The following FOCAD variants were observed in gnomAD, a reference collection of about 807,000 sequenced individuals.
The protein encoded by FOCAD is focadhesin.
In FOCAD, 198 loss-of-function variants were observed where a neutral mutation model predicts 225.6. That is an observed-to-expected ratio of 0.88 (90% CI 0.78 to 0.99). The LOEUF (loss-of-function observed/expected upper bound fraction) is 0.99, where lower values mean the gene tolerates loss of function less well. Among genes scored for constraint, FOCAD ranks in the 50% least tolerant of loss-of-function variants. FOCAD has a pLI of 0.00. For synonymous variants in FOCAD, 897 were observed against 755.0 expected, an observed-to-expected ratio of 1.19 and a Z score of -3.08; for missense variants, 2,713 against 2,123.6, an observed-to-expected ratio of 1.28 and a Z score of -5.46.
chr9:20,774,662 T>A (rs10964694), intron 8 of FOCAD, among the ~76,000 whole-genome samples: 27,717 of 152,182 alleles, frequency 0.18, 3,079 homozygotes, highest in Non-Finnish European at 0.25. Context: ...AATTTTAAAT[T>A]GTCTTATTTT....
intron 11 of FOCAD, among the ~76,000 whole-genome samples, chr9:20,809,789 A>C (rs1470699409): frequency 2.6e-5 from 4 of 152,142 alleles, no homozygotes; most frequent in Non-Finnish European, 5.9e-5. Context: ...ATCAAAGCTT[A>C]ACACAATCTC....
At chr9:20,843,768 G>A (rs1826794542) in intron 15 of FOCAD, among the ~76,000 whole-genome samples, 1 of 152,080 alleles carries the variant, frequency 6.6e-6, no homozygotes, top group South Asian at 2.1e-4. Flanking sequence ...TATACAGCAT[G>A]TAATGAAATA....
chr9:20,828,887 A>G (rs186112289), intron 15 of FOCAD, among the ~76,000 whole-genome samples: 30 of 152,086 alleles, frequency 2.0e-4, no homozygotes, highest in African/African-American at 7.2e-4. Context: ...AACATGCGGT[A>G]TTTGGTTTTC....
intron 1 of FOCAD, among the ~76,000 whole-genome samples, chr9:20,714,817 C>A (rs1042674234): frequency 1.3e-5 from 2 of 152,102 alleles, no homozygotes; most frequent in African/African-American, 4.8e-5. Context: ...AGGAAACAGT[C>A]TGTTTTAATG....
chr9:20,796,252 G>A (rs1821090698), intron 11 of FOCAD, among the ~76,000 whole-genome samples: 1 of 152,146 alleles, frequency 6.6e-6, no homozygotes, highest in African/African-American at 2.4e-5. Flanking sequence ...CTTTGCTGTT[G>A]TAAATAGTGC....
chr9:20,735,079 A>G (rs1827035145), intron 4 of FOCAD, among the ~76,000 whole-genome samples: 1 of 151,830 alleles, frequency 6.6e-6, no homozygotes, highest in Admixed American at 6.6e-5. Flanking sequence ...TCCCCCACCT[A>G]CTCTTTAACA....
intron 35 of FOCAD, among the ~76,000 whole-genome samples, chr9:20,963,960 C>T (rs542637220): frequency 3.7e-4 from 57 of 152,140 alleles, no homozygotes; most frequent in Middle Eastern, 6.8e-3. Flanking sequence ...ACACTGTCTC[C>T]GCTGCTAGAG....
chr9:20,872,408 C>T (rs1829861990), intron 18 of FOCAD, among the ~76,000 whole-genome samples: 1 of 152,050 alleles, frequency 6.6e-6, no homozygotes, highest in Non-Finnish European at 1.5e-5. Flanking sequence ...CTAAATAATT[C>T]TGGAAGCATT....
chr9:20,796,744 T>A (rs188971090), intron 11 of FOCAD, among the ~76,000 whole-genome samples: 5,768 of 152,050 alleles, frequency 0.038, 142 homozygotes, highest in African/African-American at 0.071. Context: ...GATTGCAAAA[T>A]TTTTCTCCCA....
At chr9:20,929,805 G>A (rs1255772266) in intron 27 of FOCAD, among the ~76,000 whole-genome samples, 3 of 152,066 alleles carry the variant, frequency 2.0e-5, no homozygotes, top group African/African-American at 4.8e-5. Context: ...TATTTTAAGG[G>A]TTGCTAGTAT....
At chr9:20,923,588 C>CCTATATTAGCT (rs1257559552) in intron 24 of FOCAD, 72 bp from the exon 25 acceptor site, 59 of 1,154,032 alleles carry the variant, frequency 5.1e-5, no homozygotes, top group Non-Finnish European at 7.4e-5. Context: ...CACCTGCCCT[C>CCTATATTAGCT]CTATATTAGC....
At chr9:20,659,424 G>GAGAAAGAAAGAAGAAAGAAAGAA (rs1821640840) in intron 2 of FOCAD, among the ~76,000 whole-genome samples, 1 of 140,354 alleles carries the variant, frequency 7.1e-6, no homozygotes, top group East Asian at 2.1e-4. Flanking sequence ...AGAAAGAAAG[G>GAGAAAGAAAGAAGAAAGAAAGAA]AGAAAGAAAG....
chr9:20,873,660 G>T (rs536063071), intron 18 of FOCAD, among the ~76,000 whole-genome samples: 1 of 150,430 alleles, frequency 6.6e-6, no homozygotes, highest in Non-Finnish European at 1.5e-5. Context: ...TGGTTGAAAG[G>T]CTTCATTGGA....
intron 35 of FOCAD, among the ~76,000 whole-genome samples, chr9:20,965,132 G>C (rs139140022): frequency 6.6e-6 from 1 of 152,140 alleles, no homozygotes; most frequent in African/African-American, 2.4e-5. Context: ...ATGAGGGCAT[G>C]GTACTCTTTT....
intron 23 of FOCAD, among the ~76,000 whole-genome samples, chr9:20,915,354 C>T (rs1833781250): frequency 6.6e-6 from 1 of 152,080 alleles, no homozygotes; most frequent in Non-Finnish European, 1.5e-5. Flanking sequence ...ACCAATAAAG[C>T]AGACGAAAAA....
chr9:20,739,455 T>A (rs1009938230), intron 4 of FOCAD, among the ~76,000 whole-genome samples: 1 of 152,078 alleles, frequency 6.6e-6, no homozygotes, highest in Non-Finnish European at 1.5e-5. Flanking sequence ...AATACAAAAT[T>A]AGCCAGATGT....
intron 11 of FOCAD, among the ~76,000 whole-genome samples, chr9:20,805,032 T>A (rs1052078214): frequency 6.6e-6 from 1 of 152,246 alleles, no homozygotes; most frequent in Non-Finnish European, 1.5e-5. Context: ...ATGTCATGCA[T>A]GTTCTGTAAT....
At chr9:20,957,919 G>C (rs1244168065) in intron 35 of FOCAD, among the ~76,000 whole-genome samples, 2 of 151,774 alleles carry the variant, frequency 1.3e-5, no homozygotes, top group African/African-American at 4.8e-5. Flanking sequence ...GTGACTATAG[G>C]GATGGCCAGG....
intron 15 of FOCAD, among the ~76,000 whole-genome samples, chr9:20,854,295 C>A (rs1398984481): frequency 6.6e-6 from 1 of 151,632 alleles, no homozygotes; most frequent in Non-Finnish European, 1.5e-5. Flanking sequence ...TTCTGAGGTT[C>A]ACTATTTTTT....
Sources: allele counts gnomAD v4.1 joint callset (sites outside exome capture counted in the v4.1 genomes callset), GRCh38; gene constraint gnomAD v4.1.1; transcripts MANE v1.5; gene names NCBI Gene and HGNC (gene_info 2026-07-23, HGNC 2026-07-21).